ADAM19: variants seen among roughly 807,000 people sequenced by gnomAD.
ADAM19 encodes ADAM metallopeptidase domain 19, also known as disintegrin and metalloproteinase domain-containing protein 19.
A neutral mutation model predicts 114.7 loss-of-function variants in ADAM19; 65 were observed. That is an observed-to-expected ratio of 0.57 (90% CI 0.46 to 0.70). The LOEUF (loss-of-function observed/expected upper bound fraction) is 0.70. Ranked by LOEUF, ADAM19 falls within the 30% of genes least tolerant of loss-of-function variation. ADAM19 has a pLI of 0.00. For synonymous variants in ADAM19, 466 were observed against 460.5 expected, an observed-to-expected ratio of 1.01 and a Z score of -0.15; for missense variants, 1,063 against 1,204.7, an observed-to-expected ratio of 0.88 and a Z score of 1.74.
intron 5 of ADAM19, among the ~76,000 whole-genome samples, chr5:157,526,560 G>T (rs1756468306): frequency 1.3e-5 from 2 of 152,064 alleles, no homozygotes; most frequent in African/African-American, 4.8e-5. Context: ...ATCTGAGACA[G>T]GCTTGGGAGA....
At position 157,488,284 on chromosome 5, in the gene ADAM19, G is replaced by A; in HGVS notation, c.2531C>T (p.Pro844Leu). 6.2e-7 allele frequency: 1 copy of A among 1,613,592 alleles called. No individual in the cohort carries two copies. Among genetic ancestry groups the A allele is most frequent in the Middle Eastern group, 1.7e-4 (1 of 6,058 alleles). ...PPPSRPIPPAPNCIVSQDFSR... is the reference protein window; with the variant it reads ...PPPSRPIPPALNCIVSQDFSR... ...ACTTACCTGGGAAACGATGCAATTT[G>A]GTGCGGGGGGAATTGGCCGGCTTGG... is the stretch of plus-strand genomic sequence containing the variant. Residue 844 changes from proline (P) to leucine (L), a missense_variant, in exon 21 of 23, where the codon CCA becomes CTA. Transcript: ENST00000257527.
chr5:157,549,155 G>A (rs1011963233), intron 3 of ADAM19, among the ~76,000 whole-genome samples: 1 of 152,178 alleles, frequency 6.6e-6, no homozygotes, highest in African/African-American at 2.4e-5. Flanking sequence ...TAGAAATACA[G>A]CCTAGCTTTT....
At chr5:157,538,082 A>T in intron 3 of ADAM19, 91 bp from the exon 4 acceptor site, 4 of 1,055,722 alleles carry the variant, frequency 3.8e-6, no homozygotes, top group Non-Finnish European at 5.8e-6. Context: ...ACCAGGCAGG[A>T]CTATCCCAAG....
chr5:157,572,344 G>T, intron 1 of ADAM19: 1 of 443,658 alleles, frequency 2.3e-6, no homozygotes, highest in Non-Finnish European at 4.5e-6. Flanking sequence ...GGGCGCTGCA[G>T]AACTCAAATA....
At chr5:157,548,945 G>A (rs533551667) in intron 3 of ADAM19, among the ~76,000 whole-genome samples, 5 of 152,216 alleles carry the variant, frequency 3.3e-5, no homozygotes, top group South Asian at 2.1e-4. Flanking sequence ...CCATAAATCC[G>A]TCTGCATCCC....
chr5:157,549,972 C>T (rs181873095), intron 3 of ADAM19, among the ~76,000 whole-genome samples: 34 of 152,278 alleles, frequency 2.2e-4, no homozygotes, highest in Admixed American at 1.6e-3. Flanking sequence ...AAACTTTACC[C>T]GAAGTGAAAG....
At chr5:157,562,029 T>C (rs535580804) in intron 3 of ADAM19, among the ~76,000 whole-genome samples, 6 of 152,190 alleles carry the variant, frequency 3.9e-5, no homozygotes, top group African/African-American at 9.6e-5. Flanking sequence ...CATGAGATTA[T>C]AGAAACTTCA....
At chr5:157,498,766 AC>A (rs1442016923) in intron 13 of ADAM19, among the ~76,000 whole-genome samples, 1 of 151,258 alleles carries the variant, frequency 6.6e-6, no homozygotes, top group African/African-American at 2.4e-5. Context: ...ATATTACATA[AC>A]CCCCCAGCAA....
intron 12 of ADAM19, 88 bp from the exon 13 acceptor site, chr5:157,499,750 C>T (rs558473655): frequency 1.1e-5 from 9 of 794,480 alleles, no homozygotes; most frequent in Middle Eastern, 3.6e-4. Context: ...ACCCCTGGAA[C>T]CCCAGCTCTC....
intron 3 of ADAM19, among the ~76,000 whole-genome samples, chr5:157,544,420 C>T (rs919040515): frequency 2.6e-5 from 4 of 152,228 alleles, no homozygotes; most frequent in African/African-American, 7.2e-5. Context: ...GGCACCCTTC[C>T]GACCAGTTTC....
chr5:157,531,360 G>C (rs1756619032), intron 4 of ADAM19, among the ~76,000 whole-genome samples: 2 of 152,146 alleles, frequency 1.3e-5, no homozygotes, highest in East Asian at 3.8e-4. Context: ...TGCAGATGTA[G>C]TTAAATTAAG....
chr5:157,574,374 G>T (rs1757912806), intron 1 of ADAM19, among the ~76,000 whole-genome samples: 1 of 152,162 alleles, frequency 6.6e-6, no homozygotes, highest in African/African-American at 2.4e-5. Context: ...CACAGGCCTG[G>T]TGCTACCCTA....
chr5:157,489,043 C>T, intron 20 of ADAM19, 59 bp downstream of exon 20: 2 of 999,702 alleles, frequency 2.0e-6, no homozygotes, highest in Non-Finnish European at 2.9e-6. Context: ...AAGAAAAATA[C>T]AGCATGGCCC....
intron 3 of ADAM19, among the ~76,000 whole-genome samples, chr5:157,539,070 T>C (rs1051026040): frequency 6.6e-6 from 1 of 151,698 alleles, no homozygotes. Context: ...GGAGAACTGC[T>C]TGAACCTGGG....
At position 157,478,758 on chromosome 5, in the gene ADAM19, A is replaced by G; in HGVS notation, c.*2191T>C. 1 of 985,854 alleles carries G rather than the reference A, an allele frequency of 1.0e-6. No individual in the cohort carries two copies. Among genetic ancestry groups the G allele is most frequent in the Non-Finnish European group, 1.2e-6 (1 of 829,936 alleles). 61.1% of individuals were successfully genotyped at this position (985,854 alleles called of 1,614,324 possible). Reference sequence around the variant, plus strand: ...TTTATGGGATGGAGGTGATATGAAAATAATAAAACAAAACAAAACAAAAAG... The same window carrying G: ...TTTATGGGATGGAGGTGATATGAAAGTAATAAAACAAAACAAAACAAAAAG... On this transcript the variant is annotated 3_prime_UTR_variant, in exon 23 of 23. Coordinates refer to ENST00000257527, the MANE Select transcript of ADAM19 (RefSeq NM_033274.5).
intron 4 of ADAM19, among the ~76,000 whole-genome samples, chr5:157,534,149 T>C (rs907669457): frequency 4.6e-5 from 7 of 152,056 alleles, no homozygotes; most frequent in Non-Finnish European, 2.9e-5. Context: ...TCTCTTGTGA[T>C]GATGACACCT....
In ADAM19 at chr5:157,480,451, T is replaced by G. The variant is rs1754710567; in HGVS notation, c.*498A>C. The G allele has an allele frequency of 1.0e-6, 1 of 990,462 alleles. No individual in the cohort carries two copies. Among genetic ancestry groups the G allele is most frequent in the African/African-American group, 1.7e-5 (1 of 57,418 alleles). 61.4% of individuals were successfully genotyped at this position (990,462 alleles called of 1,614,324 possible). On this transcript the variant is annotated 3_prime_UTR_variant, in exon 23 of 23. Transcript: ENST00000257527. ...GGGCAGGGCCACAGCAGTGGCTGGC[T>G]TGACCCTTCCTTAATCCCTAAAAGC...
chr5:157,527,462 G>A (rs750834230), intron 5 of ADAM19, among the ~76,000 whole-genome samples: 77 of 152,028 alleles, frequency 5.1e-4, no homozygotes, highest in Admixed American at 4.5e-3. Context: ...TGCCTGCCTC[G>A]GCCTCCCAAA....
intron 9 of ADAM19, 106 bp downstream of exon 9, chr5:157,509,195 G>T: frequency 2.5e-6 from 3 of 1,202,828 alleles, no homozygotes; most frequent in Non-Finnish European, 2.3e-6. Context: ...AGTCAGAATG[G>T]CCTTGTACAA....
Sources: gnomAD v4.1 joint callset for allele counts (sites outside exome capture counted in the v4.1 genomes callset) on GRCh38, gnomAD v4.1.1 for gene constraint, MANE v1.5 for transcripts, NCBI Gene and HGNC (gene_info 2026-07-23, HGNC 2026-07-21) for gene names.